VCAN: variants seen among roughly 807,000 people sequenced by gnomAD.
The protein encoded by VCAN is versican core protein.
Under a neutral mutation model 245.5 loss-of-function variants are expected in VCAN, and 44 were observed. The ratio of observed to expected loss-of-function variants is 0.18; its 90% CI spans 0.14 to 0.23. The LOEUF is 0.23. Ranked by LOEUF, VCAN falls within the 10% of genes least tolerant of loss-of-function variation. VCAN has a pLI of 1.00. For synonymous variants in VCAN, 1,413 were observed against 1,437.0 expected, an observed-to-expected ratio of 0.98 and a Z score of 0.38; for missense variants, 3,793 against 4,057.9, an observed-to-expected ratio of 0.93 and a Z score of 1.77.
chr5:83,536,592 T>C (rs1026644538), intron 7 of VCAN: 3 of 155,042 alleles, frequency 1.9e-5, no homozygotes, highest in African/African-American at 7.2e-5. Flanking sequence ...ATAGAAAAAG[T>C]AATTAATTCT....
intron 1 of VCAN, among the ~76,000 whole-genome samples, chr5:83,475,310 G>A (rs1744348657): frequency 6.6e-6 from 1 of 152,204 alleles, no homozygotes; most frequent in African/African-American, 2.4e-5. Context: ...TGCATTTTAA[G>A]TCCTCCCATT....
chr5:83,515,620 T>C lies in VCAN; in HGVS notation c.1042+3224T>C, dbSNP rs1463934227. ...CAATCTCCAAATTTCTAATTATTGA[T>C]ATGTTCTTGCTTTGAAGTTTCATCA... On this transcript the variant is annotated intron_variant, in intron 6 of 14. Transcript: ENST00000265077. 2.0e-5 allele frequency among the ~76,000 whole-genome samples: 3 copies of C among 152,256 alleles called. No individual in the cohort carries two copies. The East Asian group carries it at 5.8e-4, about 29-fold the overall frequency.
At chr5:83,547,913 A>T in intron 9 of VCAN, 58 bp from the exon 10 acceptor site, 1 of 1,248,488 alleles carries the variant, frequency 8.0e-7, no homozygotes, top group South Asian at 1.2e-5. Context: ...CTCACACTAA[A>T]TGGAATTCTT....
Position 83,581,358 on chromosome 5 carries a change from T to C in VCAN, c.*924T>C, listed in dbSNP as rs1436056455. On this transcript the variant is annotated 3_prime_UTR_variant, in exon 15 of 15. Transcript: ENST00000265077. ...AAAAAAAAAAGAAATTTTGTATATA[T>C]AACCATTTTAATCTTTTATAAAGTT... The C allele has an allele frequency of 1.3e-5, 2 of 149,464 alleles. No individual in the cohort carries two copies. Among genetic ancestry groups the C allele is most frequent in the Non-Finnish European group, 3.0e-5 (2 of 67,518 alleles). The allele number at this position is 149,464 out of a possible 1,614,324, so 9.3% of individuals were successfully genotyped here.
chr5:83,540,763 A>G lies in VCAN; in HGVS notation c.7760A>G (p.Tyr2587Cys). The G allele has an allele frequency of 1.2e-6, 2 of 1,614,062 alleles. No individual in the cohort carries two copies. The highest frequency in any genetic ancestry group is 8.5e-7 in the Non-Finnish European group (1 of 1,179,978). Residue 2587 changes from tyrosine (Y) to cysteine (C), a missense_variant, in exon 8 of 15, where the codon TAT (tyrosine) becomes TGT (cysteine). Tyr to Cys is a radical substitution (Grantham distance 194). Transcript: ENST00000265077. ...GATATTGATCATACTAAACCTGTGT[A>G]TGAAGACATTCTTGGAATGCAAACA... ...IIDIDHTKPV[Y>C]EDILGMQTDI...
intron 5 of VCAN, among the ~76,000 whole-genome samples, chr5:83,501,828 C>T (rs1745337367): frequency 1.3e-5 from 2 of 152,108 alleles, no homozygotes; most frequent in South Asian, 4.1e-4. Context: ...TGCAAAGAAG[C>T]CAGCTAGGAT....
rs770005934 is a variant in VCAN, at chr5:83,541,430, TACA to T, written c.8431_8433del (p.Thr2811del). The T allele has an allele frequency of 6.2e-7, 1 of 1,614,076 alleles. No homozygotes were observed. ...GATCCAATCCCCCATATTACACTGATACAACATTAGCAGTTTCAACATTTGCGA... is the reference window on the plus strand; with the variant it reads ...GATCCAATCCCCCATATTACACTGATACATTAGCAGTTTCAACATTTGCGA... On this transcript the variant is annotated inframe_deletion, in exon 8 of 15. Coordinates refer to ENST00000265077, the MANE Select transcript of VCAN (RefSeq NM_004385.5).
At position 83,558,519 on chromosome 5, in the gene VCAN, A is replaced by C. The variant is rs377140756; in HGVS notation, c.9735+3481A>C. 6.6e-5 allele frequency among the ~76,000 whole-genome samples: 10 copies of C among 152,252 alleles called. No homozygotes were observed. The South Asian group carries it at 1.2e-3, about 19-fold the overall frequency. ...AAAGAACCTTTCATATTTACCTTAA[A>C]GTGTCTTTTGATATTTAGCCTTACA... On this transcript the variant is annotated intron_variant, in intron 12 of 14. Coordinates refer to ENST00000265077, the MANE Select transcript of VCAN (RefSeq NM_004385.5).
At chr5:83,499,297 A>C (rs1298343058) in intron 5 of VCAN, among the ~76,000 whole-genome samples, 1 of 152,126 alleles carries the variant, frequency 6.6e-6, no homozygotes, top group South Asian at 2.1e-4. Context: ...ATTTCAGCAA[A>C]ATTATTGTAA....
Position 83,522,188 on chromosome 5 carries a change from C to A in VCAN, c.3882C>A (p.Pro1294=). Residue 1294 remains proline (P), a synonymous_variant, in exon 7 of 15, where the codon CCC becomes CCA. Transcript: ENST00000265077. ...SPPATQPTRP[P]TVEDKEAFGP... ...CTGCTACACAGCCAACAAGACCACCCACTGTGGAAGACAAAGAGGCCTTTG... is the reference window on the plus strand; with the variant it reads ...CTGCTACACAGCCAACAAGACCACCAACTGTGGAAGACAAAGAGGCCTTTG... 6.2e-7 allele frequency: 1 copy of A among 1,607,716 alleles called. No individual in the cohort carries two copies. The highest frequency in any genetic ancestry group is 8.5e-7 in the Non-Finnish European group (1 of 1,179,948).
At chr5:83,571,167 G>A (rs190241037) in intron 12 of VCAN, among the ~76,000 whole-genome samples, 52 of 152,228 alleles carry the variant, frequency 3.4e-4, no homozygotes, top group African/African-American at 1.2e-3. Context: ...CCAGAAAGGC[G>A]CTGAACAAAC....
chr5:83,509,560 C>T (rs1228237513), intron 5 of VCAN, among the ~76,000 whole-genome samples: 3 of 152,132 alleles, frequency 2.0e-5, no homozygotes, highest in Admixed American at 6.5e-5. Flanking sequence ...TTTGCCCTTC[C>T]GTGGTTGGCT....
chr5:83,579,196 A>G (rs1174231992), intron 13 of VCAN, among the ~76,000 whole-genome samples: 1 of 152,154 alleles, frequency 6.6e-6, no homozygotes, highest in Non-Finnish European at 1.5e-5. Flanking sequence ...CTTTGTCCAT[A>G]TTTCAAAACT....
chr5:83,573,981 A>C (rs1310882369), intron 13 of VCAN, among the ~76,000 whole-genome samples: 1 of 152,210 alleles, frequency 6.6e-6, no homozygotes, highest in Non-Finnish European at 1.5e-5. Context: ...TTGAGAACCA[A>C]GGAAGCTGAA....
intron 2 of VCAN, among the ~76,000 whole-genome samples, chr5:83,487,557 T>G (rs1486377187): frequency 6.6e-6 from 1 of 152,216 alleles, no homozygotes; most frequent in African/African-American, 2.4e-5. Flanking sequence ...TTAGATTTAG[T>G]GAATTTCGTT....
In VCAN at chr5:83,519,435, A is replaced by G. The variant is rs1369422674; in HGVS notation, c.1129A>G (p.Arg377Gly). Reference protein sequence around the residue: ...LSKEPQMVSDRTTPIIPLVDE... With the variant: ...LSKEPQMVSDGTTPIIPLVDE... Reference sequence around the variant, plus strand: ...CAAAGAACCACAAATGGTTTCTGATAGAACTACACCAATCATCCCTTTAGT... The same window carrying G: ...CAAAGAACCACAAATGGTTTCTGATGGAACTACACCAATCATCCCTTTAGT... The change falls in exon 7 of 15, where the codon AGA (arginine) becomes GGA (glycine). Residue 377 changes from arginine to glycine, a missense_variant. By Grantham distance (125) the Arg-to-Gly change is moderately radical. Coordinates refer to ENST00000265077, the MANE Select transcript of VCAN (RefSeq NM_004385.5). 2.5e-6 allele frequency: 4 copies of G among 1,614,066 alleles called. No homozygotes were observed. The highest frequency in any genetic ancestry group is 3.4e-6 in the Non-Finnish European group (4 of 1,179,984).
intron 5 of VCAN, among the ~76,000 whole-genome samples, 154 bp downstream of exon 5, chr5:83,494,085 C>T (rs949637148): frequency 4.6e-5 from 7 of 152,068 alleles, no homozygotes; most frequent in Admixed American, 1.3e-4. Context: ...TAAAATAAGC[C>T]GAAATTAAAG....
At position 83,537,492 on chromosome 5, in the gene VCAN, G is replaced by A. The variant is rs1377516551; in HGVS notation, c.4489G>A (p.Glu1497Lys). Residue 1497 changes from glutamate (E) to lysine (K), a missense_variant, in exon 8 of 15, where the codon GAG becomes AAG. Around this residue, in one of 5 missense-constraint regions of VCAN, gnomAD observed 3,182 missense variants for 3,250.3 expected, o/e 0.98. Transcript: ENST00000265077. Reference sequence around the variant, plus strand: ...AACATCAGAACATTTTTCAGGTGGTGAGCCTGATGTTTTCCCCACAGTCCC... The same window carrying A: ...AACATCAGAACATTTTTCAGGTGGTAAGCCTGATGTTTTCCCCACAGTCCC... ...PETSEHFSGG[E>K]PDVFPTVPFH... 3 of 1,613,916 alleles carry A rather than the reference G, an allele frequency of 1.9e-6. No homozygotes were observed. Among genetic ancestry groups the A allele is most frequent in the Non-Finnish European group, 2.5e-6 (3 of 1,179,944 alleles).
rs781611626 is a variant in VCAN at position 83,537,873 on chromosome 5, C to A, written c.4870C>A (p.Pro1624Thr). 1 of 1,613,888 alleles carries A rather than the reference C, an allele frequency of 6.2e-7. No homozygotes were observed. Among genetic ancestry groups the A allele is most frequent in the Non-Finnish European group, 8.5e-7 (1 of 1,179,950 alleles). The change falls in exon 8 of 15, where the codon CCT (proline) becomes ACT (threonine). Residue 1624 changes from proline (P) to threonine (T), a missense_variant. By Grantham distance (38) the Pro-to-Thr change is conservative. Transcript: ENST00000265077. ...STKESWVEAT[P>T]RQVVELSGSS... The stretch of plus-strand genomic sequence containing the variant: ...CAAAGAAAGCTGGGTAGAAGCAACT[C>A]CTAGACAAGTTGTAGAGCTCTCAGG...
Sources: gnomAD v4.1 joint callset for allele counts (sites outside exome capture counted in the v4.1 genomes callset) on GRCh38, gnomAD v4.1.1 for gene constraint, gnomAD v4.1.1 regional missense constraint, MANE v1.5 for transcripts, NCBI Gene and HGNC (gene_info 2026-07-23, HGNC 2026-07-21) for gene names.